The following FRS2 variants were observed in gnomAD, a reference collection of about 807,000 sequenced individuals.
FRS2 encodes fibroblast growth factor receptor substrate 2, also known as FGFR signalling adaptor.
A neutral mutation model predicts 43.9 loss-of-function variants in FRS2; 8 were observed. That is an observed-to-expected ratio of 0.18 (90% CI 0.11 to 0.33). The LOEUF is 0.33. Ranked by LOEUF, FRS2 falls within the 10% of genes least tolerant of loss-of-function variation. FRS2 has a pLI of 1.00. For missense variants in FRS2, 534 were observed against 627.6 expected, an observed-to-expected ratio of 0.85 and a Z score of 1.59; for synonymous variants, 219 against 220.3, an observed-to-expected ratio of 0.99 and a Z score of 0.05.
chr12:69,489,924 A>T (rs1159440454), intron 1 of FRS2, among the ~76,000 whole-genome samples: 1 of 151,404 alleles, frequency 6.6e-6, no homozygotes, highest in Non-Finnish European at 1.5e-5. Context: ...TTGCTGAGGT[A>T]TATTGTAGAC....
chr12:69,544,649 G>C (rs1286490029), intron 3 of FRS2, among the ~76,000 whole-genome samples: 1 of 152,144 alleles, frequency 6.6e-6, no homozygotes, highest in Non-Finnish European at 1.5e-5. Context: ...GGGGGTTGCA[G>C]TGAGCCGAGA....
At chr12:69,514,774 A>G (rs1874818443) in intron 1 of FRS2, among the ~76,000 whole-genome samples, 1 of 152,016 alleles carries the variant, frequency 6.6e-6, no homozygotes, top group Non-Finnish European at 1.5e-5. Flanking sequence ...CGGAGGTTGC[A>G]GTGAGCTAAA....
At chr12:69,541,293 C>T in intron 3 of FRS2, among the ~76,000 whole-genome samples, 1 of 152,112 alleles carries the variant, frequency 6.6e-6, no homozygotes, top group East Asian at 1.9e-4. Context: ...ATCTGAAGGC[C>T]TACTCACACA....
At chr12:69,570,749 G>A (rs1390810605) in intron 6 of FRS2, among the ~76,000 whole-genome samples, 2 of 152,022 alleles carry the variant, frequency 1.3e-5, no homozygotes, top group African/African-American at 4.8e-5. Context: ...TAAATGATTG[G>A]GTCAGCTAAA....
At chr12:69,573,224 T>C (rs907997204) in intron 8 of FRS2, among the ~76,000 whole-genome samples, 16 of 152,244 alleles carry the variant, frequency 1.1e-4, no homozygotes, top group African/African-American at 3.9e-4. Flanking sequence ...ATTTTATATA[T>C]ATGCATTTTA....
At chr12:69,508,512 GA>G (rs1874168285) in intron 1 of FRS2, among the ~76,000 whole-genome samples, 1 of 152,046 alleles carries the variant, frequency 6.6e-6, no homozygotes, top group Non-Finnish European at 1.5e-5. Context: ...ATGATAGTTG[GA>G]AAAAATGTAT....
chr12:69,546,855 A>G (rs1007093459), intron 3 of FRS2, among the ~76,000 whole-genome samples: 1 of 152,232 alleles, frequency 6.6e-6, no homozygotes, highest in African/African-American at 2.4e-5. Context: ...TTACCATATG[A>G]TGCAGCAATT....
At chr12:69,542,214 T>A (rs1262073204) in intron 3 of FRS2, among the ~76,000 whole-genome samples, 1 of 152,130 alleles carries the variant, frequency 6.6e-6, no homozygotes, top group Non-Finnish European at 1.5e-5. Flanking sequence ...AAAGTGAAAA[T>A]GTGCGTGCTG....
At chr12:69,553,838 G>T (rs143840939) in intron 3 of FRS2, among the ~76,000 whole-genome samples, 2 of 152,218 alleles carry the variant, frequency 1.3e-5, no homozygotes, top group African/African-American at 4.8e-5. Context: ...GGAGTTCTCA[G>T]TGGGCAGTTG....
intron 1 of FRS2, among the ~76,000 whole-genome samples, chr12:69,482,426 C>G (rs550522715): frequency 2.0e-5 from 3 of 152,076 alleles, no homozygotes; most frequent in Non-Finnish European, 4.4e-5. Flanking sequence ...GCCTTTTTCC[C>G]CCTAACCCTC....
At chr12:69,536,786 C>T (rs1190096335) in intron 3 of FRS2, among the ~76,000 whole-genome samples, 1 of 151,808 alleles carries the variant, frequency 6.6e-6, no homozygotes, top group Non-Finnish European at 1.5e-5. Flanking sequence ...TTAAGTTGGT[C>T]TTGAATTCCT....
chr12:69,502,877 GCAGCAT>G (rs1343965842), intron 1 of FRS2, among the ~76,000 whole-genome samples: 2 of 152,168 alleles, frequency 1.3e-5, no homozygotes, highest in Non-Finnish European at 2.9e-5. Context: ...AGCAGCAGCA[GCAGCAT>G]CAGCATCAGC....
intron 3 of FRS2, among the ~76,000 whole-genome samples, chr12:69,558,028 C>CTA (rs1489795349): frequency 2.6e-5 from 4 of 151,982 alleles, no homozygotes; most frequent in South Asian, 2.1e-4. Context: ...AAATGAATCT[C>CTA]TATATATATA....
At chr12:69,542,234 A>G (rs976922483) in intron 3 of FRS2, among the ~76,000 whole-genome samples, 3 of 152,174 alleles carry the variant, frequency 2.0e-5, no homozygotes, top group Admixed American at 6.5e-5. Flanking sequence ...GTCAGACCCA[A>G]TCTTAAACAG....
At chr12:69,565,030 C>T (rs1406662677) in intron 4 of FRS2, among the ~76,000 whole-genome samples, 4 of 152,164 alleles carry the variant, frequency 2.6e-5, no homozygotes, top group East Asian at 1.9e-4. Flanking sequence ...TAGACAGTTT[C>T]GTCACTGCGC....
intron 3 of FRS2, among the ~76,000 whole-genome samples, chr12:69,550,522 T>G (rs1878781831): frequency 6.6e-6 from 1 of 152,238 alleles, no homozygotes; most frequent in Admixed American, 6.5e-5. Flanking sequence ...GGCTTTGTTT[T>G]TAGCATTCTA....
At chr12:69,505,355 G>T (rs976117097) in intron 1 of FRS2, among the ~76,000 whole-genome samples, 1 of 152,140 alleles carries the variant, frequency 6.6e-6, no homozygotes, top group African/African-American at 2.4e-5. Flanking sequence ...TCACTGTGTA[G>T]CTAACCTTGA....
At chr12:69,488,188 G>T (rs942437833) in intron 1 of FRS2, among the ~76,000 whole-genome samples, 10 of 152,212 alleles carry the variant, frequency 6.6e-5, no homozygotes, top group Admixed American at 2.0e-4. Context: ...AAGTTCTACT[G>T]TGGGTAAAAT....
chr12:69,477,639 G>A (rs1211662727), intron 1 of FRS2, among the ~76,000 whole-genome samples: 1 of 151,168 alleles, frequency 6.6e-6, no homozygotes, highest in African/African-American at 2.4e-5. Context: ...TTCATCCTGC[G>A]GCTTTTTATA....
Sources: gnomAD v4.1 joint callset for allele counts (sites outside exome capture counted in the v4.1 genomes callset) on GRCh38, gnomAD v4.1.1 for gene constraint, MANE v1.5 for transcripts, NCBI Gene and HGNC (gene_info 2026-07-23, HGNC 2026-07-21) for gene names.